Variants in AGPAT3 observed in about 807,000 individuals in gnomAD.
AGPAT3 encodes the protein 1-acylglycerol-3-phosphate O-acyltransferase 3, also known as 1-acyl-sn-glycerol-3-phosphate acyltransferase gamma.
In AGPAT3, 5 loss-of-function variants were observed where a neutral mutation model predicts 47.3. The observed-to-expected ratio is 0.11, with a 90% CI of 0.06 to 0.22. The LOEUF is 0.22. Ranked by LOEUF, AGPAT3 falls within the 10% of genes least tolerant of loss-of-function variation. AGPAT3 has a pLI of 1.00. For synonymous variants in AGPAT3, 212 were observed against 208.3 expected, an observed-to-expected ratio of 1.02 and a Z score of -0.15; for missense variants, 315 against 493.0, an observed-to-expected ratio of 0.64 and a Z score of 3.42.
rs1013345118 is a variant in AGPAT3 at position 43,908,001 on chromosome 21, G to C, written c.-49+3982G>C. Among the ~76,000 whole-genome samples the C allele has an allele frequency of 2.0e-5, 3 of 152,188 alleles. No individual in the cohort carries two copies. Among genetic ancestry groups the C allele is most frequent in the African/African-American group, 7.2e-5 (3 of 41,448 alleles). On this transcript the variant is annotated intron_variant, in intron 2 of 9. Transcript: ENST00000291572. This position sits in a 1 kb window ranked among gnomAD's most constrained non-coding sequence, Gnocchi z 4.9. ...CCCACCCTCGTGGAAGCATGTTCCC[G>C]TAATAGCAGAGCAAAGGGATGATGG...
Position 43,959,721 on chromosome 21 carries a change from C to T in AGPAT3, c.40C>T (p.His14Tyr). The T allele has an allele frequency of 6.2e-7, 1 of 1,613,802 alleles. No homozygotes were observed. Among genetic ancestry groups the T allele is most frequent in the Non-Finnish European group, 8.5e-7 (1 of 1,179,932 alleles). The change falls in exon 3 of 10, where the codon CAC (histidine) becomes TAC (tyrosine). Residue 14 changes from histidine (H) to tyrosine (Y), a missense_variant. His to Tyr is a moderately conservative substitution (Grantham distance 83, BLOSUM62 2). Coordinates refer to ENST00000291572, the MANE Select transcript of AGPAT3 (RefSeq NM_020132.5). ...CTTCCTGAAGACCCAGTTCGTGCTG[C>T]ACCTGCTGGTCGGCTTTGTCTTCGT... The part of the protein sequence containing the change: ...LAFLKTQFVL[H>Y]LLVGFVFVVS...
intron 2 of AGPAT3, among the ~76,000 whole-genome samples, chr21:43,937,136 C>T (rs1377379915): frequency 2.0e-5 from 3 of 152,184 alleles, no homozygotes; most frequent in East Asian, 1.9e-4. Context: ...GGTGGGGGAA[C>T]GTTGACCCTG....
chr21:43,970,253 G>A lies in AGPAT3; in HGVS notation c.511-400G>A, dbSNP rs542154988. On this transcript the variant is annotated intron_variant, in intron 5 of 9. Transcript: ENST00000291572. The surrounding 1 kb of genome is among the most constrained non-coding windows in gnomAD (Gnocchi z 5.8). ...GAACTCCTGACCTCATGATCCACCC[G>A]CCTCGGCCTCCTAAAGTGCTGGGAT... Among the ~76,000 whole-genome samples the A allele has an allele frequency of 5.9e-5, 9 of 152,016 alleles. No homozygotes were observed. The highest frequency in any genetic ancestry group is 2.1e-4 in the South Asian group (1 of 4,822).
In AGPAT3 at chr21:43,959,912, G is replaced by A. The variant is rs562773406; in HGVS notation, c.178+53G>A. 126 of 1,530,834 alleles carry A rather than the reference G, an allele frequency of 8.2e-5. No homozygotes were observed. In the African/African-American group the frequency reaches 1.5e-3, roughly 18 times the overall value. The allele number at this position is 1,530,834 out of a possible 1,614,324, so 94.8% of individuals were successfully genotyped here. Reference sequence around the variant, plus strand: ...CGCCTGGGGCTCCCGTGGGGGTGGCGCGCGACCATGCACGGGGCAGCCGTG... The same window carrying A: ...CGCCTGGGGCTCCCGTGGGGGTGGCACGCGACCATGCACGGGGCAGCCGTG... On this transcript the variant is annotated intron_variant, in intron 3 of 9. Coordinates refer to ENST00000291572, the MANE Select transcript of AGPAT3 (RefSeq NM_020132.5).
chr21:43,968,578 T>C (rs528803039), intron 4 of AGPAT3, among the ~76,000 whole-genome samples: 231 of 151,880 alleles, frequency 1.5e-3, no homozygotes, highest in African/African-American at 5.4e-3. Flanking sequence ...GGGGTCCGAG[T>C]CCCTGGGTGT....
intron 7 of AGPAT3, among the ~76,000 whole-genome samples, chr21:43,971,964 G>A (rs115344623): frequency 0.013 from 1,932 of 152,192 alleles, 38 homozygotes; most frequent in African/African-American, 0.044. Context: ...ACTTCTCACC[G>A]AGGGGTGAAA....
In AGPAT3 at chr21:43,922,151, C is replaced by T. The variant is rs1347954642; in HGVS notation, c.-49+18132C>T. 1.3e-5 allele frequency among the ~76,000 whole-genome samples: 2 copies of T among 152,054 alleles called. No homozygotes were observed. The highest frequency in any genetic ancestry group is 4.8e-5 in the African/African-American group (2 of 41,390). The stretch of plus-strand genomic sequence containing the variant: ...GGGACGGGGATGAGTCACCCGGGGG[C>T]CTTGGTGCATGTGGAGGCCCAGGCT... On this transcript the variant is annotated intron_variant, in intron 2 of 9. Coordinates refer to ENST00000291572, the MANE Select transcript of AGPAT3 (RefSeq NM_020132.5). The surrounding 1 kb of genome is among the most constrained non-coding windows in gnomAD (Gnocchi z 4.9).
chr21:43,932,807 T>C lies in AGPAT3; in HGVS notation c.-48-26827T>C, dbSNP rs377430669. Among the ~76,000 whole-genome samples the C allele has an allele frequency of 2.6e-5, 4 of 152,190 alleles. No individual in the cohort carries two copies. The highest frequency in any genetic ancestry group is 2.0e-4 in the Admixed American group (3 of 15,288). On this transcript the variant is annotated intron_variant, in intron 2 of 9. Transcript: ENST00000291572. The surrounding 1 kb of genome is among the most constrained non-coding windows in gnomAD (Gnocchi z 5.2). ...CTGGGATTACAGACGCCCGCCACCA[T>C]GCCGGGCTAATTTTGTATGTTTAGT...
chr21:43,976,012 C>G (rs1396618504), intron 7 of AGPAT3, among the ~76,000 whole-genome samples: 1 of 149,818 alleles, frequency 6.7e-6, no homozygotes, highest in Non-Finnish European at 1.5e-5. Flanking sequence ...GAGAAAACCA[C>G]ATTTTATTTT....
At chr21:43,957,764 G>C (rs1235106019) in intron 2 of AGPAT3, among the ~76,000 whole-genome samples, 1 of 149,210 alleles carries the variant, frequency 6.7e-6, no homozygotes, top group Admixed American at 6.6e-5. Flanking sequence ...CCACACGGGG[G>C]TCTCGGGTTT....
At chr21:43,968,954 A>C (rs1601454069) in intron 4 of AGPAT3, among the ~76,000 whole-genome samples, 164 bp from the exon 5 acceptor site, 2 of 150,816 alleles carry the variant, frequency 1.3e-5, no homozygotes, top group African/African-American at 2.4e-5. Context: ...CGACCCACTC[A>C]CCCTCAGAAG....
intron 1 of AGPAT3, among the ~76,000 whole-genome samples, chr21:43,883,095 G>A (rs2085890428): frequency 1.3e-5 from 2 of 152,238 alleles, no homozygotes; most frequent in Admixed American, 6.5e-5. Context: ...AGACTGTGAA[G>A]CTGTGATACA....
At chr21:43,893,640 A>G (rs746744998) in intron 1 of AGPAT3, among the ~76,000 whole-genome samples, 10 of 152,168 alleles carry the variant, frequency 6.6e-5, no homozygotes, top group Non-Finnish European at 1.0e-4. Context: ...TCATCCTTTT[A>G]CTTGAACACT....
intron 2 of AGPAT3, among the ~76,000 whole-genome samples, chr21:43,929,177 G>A: frequency 6.6e-6 from 1 of 152,370 alleles, no homozygotes; most frequent in East Asian, 1.9e-4. Flanking sequence ...GGGGAGCTCT[G>A]TGTGCCCACC....
chr21:43,954,975 T>C lies in AGPAT3; in HGVS notation c.-48-4659T>C, dbSNP rs1691903266. The C allele has an allele frequency of 3.6e-6, 4 of 1,104,690 alleles. No homozygotes were observed. The South Asian group carries it at 5.4e-5, about 15-fold the overall frequency. The allele number at this position is 1,104,690 out of a possible 1,614,324, so 68.4% of individuals were successfully genotyped here. A position where few individuals can be genotyped will look rare whatever the true frequency, so the allele number is the denominator to read the frequency against. On this transcript the variant is annotated intron_variant, in intron 2 of 9. Transcript: ENST00000291572. This position sits in a 1 kb window ranked among gnomAD's most constrained non-coding sequence, Gnocchi z 4.0. The stretch of plus-strand genomic sequence containing the variant: ...GGCCGCTTTGTGACACCGAGGACGG[T>C]TGATAAAGTGGATTCTCGAGGGGAA...
At chr21:43,944,640 G>A (rs192586366) in intron 2 of AGPAT3, among the ~76,000 whole-genome samples, 77 of 152,346 alleles carry the variant, frequency 5.1e-4, no homozygotes, top group African/African-American at 1.8e-3. Flanking sequence ...CATGTGCCGG[G>A]AGGCAGGCAG....
At chr21:43,977,926 T>G (rs1445663677) in intron 7 of AGPAT3, 120 bp from the exon 8 acceptor site, 9 of 639,748 alleles carry the variant, frequency 1.4e-5, no homozygotes, top group Non-Finnish European at 2.1e-5. Context: ...GAGAGTGAGA[T>G]GTGACAGAAG....
intron 1 of AGPAT3, chr21:43,867,878 C>G (rs942872264): frequency 6.6e-6 from 1 of 151,736 alleles, no homozygotes; most frequent in African/African-American, 2.4e-5. Context: ...TTTGGTTAAC[C>G]GAAGAGTGTT....
chr21:43,882,621 A>G (rs1202183948), intron 1 of AGPAT3: 1 of 152,180 alleles, frequency 6.6e-6, no homozygotes. Context: ...GTCTGGTAAG[A>G]CCCATGAAGG....
Sources: gnomAD v4.1 joint callset for allele counts (sites outside exome capture counted in the v4.1 genomes callset) on GRCh38, gnomAD v4.1.1 for gene constraint, Gnocchi (gnomAD v3.1) non-coding constraint, MANE v1.5 for transcripts, NCBI Gene and HGNC (gene_info 2026-07-23, HGNC 2026-07-21) for gene names.